TAOK3: variants seen among roughly 807,000 people sequenced by gnomAD.
TAOK3 encodes serine/threonine-protein kinase TAO3.
TAOK3 carries 40 observed loss-of-function variants against 120.4 expected under a neutral mutation model. That is an observed-to-expected ratio of 0.33 (90% CI 0.26 to 0.43). The LOEUF is 0.43. TAOK3 is among the 20% of genes least tolerant of loss of function. TAOK3 has a pLI of 1.00. For synonymous variants in TAOK3, 355 were observed against 387.5 expected (o/e 0.92, Z 0.99); for missense variants, 821 against 1,112.1 (o/e 0.74, Z 3.72).
At chr12:118,168,242 T>G (rs2035736532) in intron 17 of TAOK3, among the ~76,000 whole-genome samples, 1 of 152,326 alleles carries the variant, frequency 6.6e-6, no homozygotes, top group Middle Eastern at 3.4e-3. Context: ...GAATAATTAC[T>G]GGAGCTCTAA....
At chr12:118,189,673 T>C in intron 14 of TAOK3, 134 bp downstream of exon 14, 1 of 1,130,426 alleles carries the variant, frequency 8.8e-7, no homozygotes, top group Non-Finnish European at 1.3e-6. Flanking sequence ...TGAATAAAAT[T>C]ATTAGGAGAG....
chr12:118,369,291 A>C (rs1333197476), intron 1 of TAOK3, among the ~76,000 whole-genome samples: 2 of 152,146 alleles, frequency 1.3e-5, no homozygotes, highest in Non-Finnish European at 2.9e-5. Context: ...CAAATGAAAA[A>C]ATTTTTCACA....
intron 1 of TAOK3, among the ~76,000 whole-genome samples, chr12:118,301,195 C>T (rs1007479471): frequency 3.3e-5 from 5 of 152,064 alleles, no homozygotes; most frequent in East Asian, 3.8e-4. Context: ...CCAGGGTTTC[C>T]TTGGTGCTTA....
At chr12:118,235,438 G>T in intron 8 of TAOK3, 120 bp downstream of exon 8, 1 of 671,268 alleles carries the variant, frequency 1.5e-6, no homozygotes, top group Non-Finnish European at 2.6e-6. Context: ...CTTCTCAAAT[G>T]AAACCTCGTT....
At chr12:118,318,618 T>G (rs981072015) in intron 1 of TAOK3, among the ~76,000 whole-genome samples, 1 of 152,052 alleles carries the variant, frequency 6.6e-6, no homozygotes, top group Non-Finnish European at 1.5e-5. Context: ...GGAACCCTTG[T>G]ACACTGTTAG....
intron 3 of TAOK3, chr12:118,246,815 T>C (rs963223381): frequency 3.8e-6 from 5 of 1,319,020 alleles, no homozygotes; most frequent in Non-Finnish European, 5.4e-6. Flanking sequence ...TTGATGCCAT[T>C]TCTAAGACCT....
At chr12:118,328,349 T>C in intron 1 of TAOK3, among the ~76,000 whole-genome samples, 1 of 152,190 alleles carries the variant, frequency 6.6e-6, no homozygotes, top group Non-Finnish European at 1.5e-5. Flanking sequence ...CCACTGCGCC[T>C]GGCCTAACAA....
chr12:118,243,008 C>T (rs1593272952), intron 5 of TAOK3, among the ~76,000 whole-genome samples: 5 of 151,792 alleles, frequency 3.3e-5, no homozygotes, highest in Admixed American at 3.3e-4. Context: ...CATATGGTGG[C>T]CCCTGTTTGG....
chr12:118,365,820 G>A (rs2045727378), intron 1 of TAOK3, among the ~76,000 whole-genome samples: 1 of 152,178 alleles, frequency 6.6e-6, no homozygotes, highest in Non-Finnish European at 1.5e-5. Context: ...TTTGCCAAGA[G>A]ATGATGGAGG....
At chr12:118,220,054 C>T (rs1055735462) in intron 9 of TAOK3, among the ~76,000 whole-genome samples, 1 of 151,616 alleles carries the variant, frequency 6.6e-6, no homozygotes, top group East Asian at 1.9e-4. Flanking sequence ...TACAGGCACA[C>T]GTCACCATGC....
chr12:118,304,754 T>A (rs574766339), intron 1 of TAOK3, among the ~76,000 whole-genome samples: 1 of 152,328 alleles, frequency 6.6e-6, no homozygotes, highest in East Asian at 1.9e-4. Flanking sequence ...AATCTTGATA[T>A]GAACTAAACT....
intron 1 of TAOK3, among the ~76,000 whole-genome samples, chr12:118,287,220 T>TA (rs1043503047): frequency 9.2e-5 from 14 of 152,312 alleles, no homozygotes; most frequent in African/African-American, 3.4e-4. Context: ...ATGGAAATTT[T>TA]AAAAAATTAA....
chr12:118,312,250 T>C (rs1475964634), intron 1 of TAOK3, among the ~76,000 whole-genome samples: 3 of 152,002 alleles, frequency 2.0e-5, no homozygotes, highest in African/African-American at 7.2e-5. Flanking sequence ...CATTGAGACA[T>C]AGCTTTATTA....
chr12:118,288,189 ATTATAATGTATATACTTAAAT>A (rs1171727478), intron 1 of TAOK3, among the ~76,000 whole-genome samples: 1 of 151,938 alleles, frequency 6.6e-6, no homozygotes, highest in Non-Finnish European at 1.5e-5. Flanking sequence ...AAACTTCAAA[ATTATAATGTATATACTTAAAT>A]TTATAAACTT....
At chr12:118,177,896 T>C (rs2138796291) in intron 15 of TAOK3, among the ~76,000 whole-genome samples, 1 of 152,176 alleles carries the variant, frequency 6.6e-6, no homozygotes, top group Middle Eastern at 3.4e-3. Context: ...AGGTGAACCA[T>C]AAACATGCTT....
intron 16 of TAOK3, among the ~76,000 whole-genome samples, chr12:118,174,016 G>C (rs1023291469): frequency 6.6e-6 from 1 of 152,292 alleles, no homozygotes; most frequent in African/African-American, 2.4e-5. Flanking sequence ...GGAGTAAGCT[G>C]GGATCACAAG....
At chr12:118,188,916 C>T (rs897793353) in intron 14 of TAOK3, among the ~76,000 whole-genome samples, 5 of 111,588 alleles carry the variant, frequency 4.5e-5, no homozygotes, top group Admixed American at 1.0e-4. Context: ...AAGGATGAAA[C>T]GATGTGAGTG....
At chr12:118,346,063 C>CA (rs2044845017) in intron 1 of TAOK3, among the ~76,000 whole-genome samples, 1 of 152,050 alleles carries the variant, frequency 6.6e-6, no homozygotes, top group Non-Finnish European at 1.5e-5. Flanking sequence ...GAAAGGCTGT[C>CA]AAAATATATC....
intron 17 of TAOK3, among the ~76,000 whole-genome samples, chr12:118,170,964 G>A (rs1444577473): frequency 2.0e-5 from 3 of 152,150 alleles, no homozygotes; most frequent in African/African-American, 7.2e-5. Context: ...TTTCCCTCAT[G>A]TAGGCTAACA....
Sources: gnomAD v4.1 joint callset for allele counts (sites outside exome capture counted in the v4.1 genomes callset) on GRCh38, gnomAD v4.1.1 for gene constraint, MANE v1.5 for transcripts, NCBI Gene and HGNC (gene_info 2026-07-23, HGNC 2026-07-21) for gene names.